PKP2: variants seen among roughly 807,000 people sequenced by gnomAD.
PKP2 encodes the protein plakophilin 2.
A neutral mutation model predicts 83.4 loss-of-function variants in PKP2; 73 were observed. The ratio of observed to expected loss-of-function variants is 0.88; its 90% CI spans 0.72 to 1.06. PKP2 has a LOEUF of 1.06. PKP2 is among the 50% of genes least tolerant of loss of function. PKP2 has a pLI of 0.00. For missense variants in PKP2, 966 were observed against 1,065.4 expected (o/e 0.91, Z 1.30); for synonymous variants, 409 against 430.4 (o/e 0.95, Z 0.62).
intron 9 of PKP2, among the ~76,000 whole-genome samples, chr12:32,813,297 G>C (rs1004565493): frequency 6.6e-6 from 1 of 152,182 alleles, no homozygotes; most frequent in African/African-American, 2.4e-5. Context: ...AGGATTATCA[G>C]ATCAGTGGGA....
At chr12:32,847,922 C>T (rs1208458578) in intron 5 of PKP2, among the ~76,000 whole-genome samples, 1 of 151,884 alleles carries the variant, frequency 6.6e-6, no homozygotes, top group African/African-American at 2.4e-5. Context: ...CAGCGAGATC[C>T]CCATCCTTTA....
intron 4 of PKP2, among the ~76,000 whole-genome samples, chr12:32,856,898 C>G (rs1001234812): frequency 2.6e-5 from 4 of 152,166 alleles, no homozygotes; most frequent in African/African-American, 9.7e-5. Flanking sequence ...TATCTGACTG[C>G]ATTCTCAGGA....
chr12:32,868,247 T>C (rs548290987), intron 4 of PKP2, among the ~76,000 whole-genome samples: 107 of 152,368 alleles, frequency 7.0e-4, no homozygotes, highest in African/African-American at 2.5e-3. Context: ...TGAGTCTCGC[T>C]CTGTCGCCCA....
chr12:32,825,899 T>G (rs1218586243), intron 6 of PKP2, among the ~76,000 whole-genome samples: 1 of 150,008 alleles, frequency 6.7e-6, no homozygotes. Flanking sequence ...GTCTAAAAAA[T>G]TAACAAAATA....
chr12:32,824,371 T>G, intron 6 of PKP2: 1 of 567,016 alleles, frequency 1.8e-6, no homozygotes, highest in South Asian at 2.0e-5. Flanking sequence ...CAACACGTAA[T>G]TGTGTCATAA....
At chr12:32,801,177 A>G (rs1420192932) in intron 10 of PKP2, among the ~76,000 whole-genome samples, 2 of 152,250 alleles carry the variant, frequency 1.3e-5, no homozygotes, top group East Asian at 1.9e-4. Context: ...ATGTGGCTAC[A>G]GCTATACCTT....
chr12:32,884,320 G>A (rs989455895), intron 1 of PKP2, among the ~76,000 whole-genome samples: 2 of 152,136 alleles, frequency 1.3e-5, no homozygotes, highest in African/African-American at 4.8e-5. Context: ...CGGGCGTGGT[G>A]GCAGGCACCT....
chr12:32,845,559 T>A (rs574794236), intron 5 of PKP2, among the ~76,000 whole-genome samples: 2 of 151,836 alleles, frequency 1.3e-5, no homozygotes, highest in Admixed American at 1.3e-4. Flanking sequence ...CTCAAAAAAA[T>A]AAATAAAAAT....
chr12:32,883,042 A>G (rs1956999864), intron 1 of PKP2, among the ~76,000 whole-genome samples: 1 of 152,262 alleles, frequency 6.6e-6, no homozygotes, highest in African/African-American at 2.4e-5. Context: ...TTATTTGCCA[A>G]CATAAGTTCT....
chr12:32,874,123 T>C (rs1481545341), intron 3 of PKP2, among the ~76,000 whole-genome samples: 1 of 152,236 alleles, frequency 6.6e-6, no homozygotes, highest in Non-Finnish European at 1.5e-5. Flanking sequence ...TAAGTCATTA[T>C]GCAGGTTTAT....
chr12:32,805,573 T>C (rs1956219436), intron 9 of PKP2, among the ~76,000 whole-genome samples: 1 of 152,210 alleles, frequency 6.6e-6, no homozygotes, highest in African/African-American at 2.4e-5. Flanking sequence ...CCTTTCCCCA[T>C]TGCTTGCTTT....
At chr12:32,808,694 GA>G (rs1956248264) in intron 9 of PKP2, among the ~76,000 whole-genome samples, 1 of 152,172 alleles carries the variant, frequency 6.6e-6, no homozygotes, top group Admixed American at 6.5e-5. Context: ...GCTGACTTCT[GA>G]AAAGGTTTCT....
intron 4 of PKP2, among the ~76,000 whole-genome samples, chr12:32,851,516 T>C (rs567726460): frequency 2.6e-5 from 4 of 152,322 alleles, no homozygotes; most frequent in Admixed American, 6.5e-5. Flanking sequence ...TCACCCAGGC[T>C]GGAATGCAGT....
At chr12:32,804,268 T>G (rs964854092) in intron 9 of PKP2, among the ~76,000 whole-genome samples, 6 of 152,212 alleles carry the variant, frequency 3.9e-5, no homozygotes, top group Admixed American at 3.9e-4. Flanking sequence ...AAATGTTGCC[T>G]CTAGAGTCAT....
At position 32,802,879 on chromosome 12, in the gene PKP2, C is replaced by T. The variant is rs1270548910; in HGVS notation, c.2014-323G>A. Among the ~76,000 whole-genome samples the T allele has an allele frequency of 4.0e-5, 6 of 151,238 alleles. No homozygotes were observed. The East Asian group carries it at 9.9e-4, about 25-fold the overall frequency. On this transcript the variant is annotated intron_variant, in intron 9 of 12. Coordinates refer to ENST00000340811, the MANE Select transcript of PKP2 (RefSeq NM_001005242.3). ...TTCACCATGTTGGCCAGGCTGGTCTCGAACTCCTGACTCAGGTGATCCACC... is the reference window on the plus strand; with the variant it reads ...TTCACCATGTTGGCCAGGCTGGTCTTGAACTCCTGACTCAGGTGATCCACC...
At chr12:32,808,128 G>A (rs1449544451) in intron 9 of PKP2, among the ~76,000 whole-genome samples, 4 of 152,154 alleles carry the variant, frequency 2.6e-5, no homozygotes, top group African/African-American at 7.2e-5. Flanking sequence ...TTTCCAACTT[G>A]GTTCTGTTCT....
At chr12:32,863,444 A>C (rs147594431) in intron 4 of PKP2, 1 of 208,630 alleles carries the variant, frequency 4.8e-6, no homozygotes, top group Non-Finnish European at 1.0e-5. Flanking sequence ...TAAACTAATG[A>C]AACAATAATA....
intron 4 of PKP2, among the ~76,000 whole-genome samples, chr12:32,864,305 C>CACAT (rs1286468711): frequency 1.8e-5 from 1 of 55,876 alleles, no homozygotes; most frequent in Non-Finnish European, 3.8e-5. Context: ...AAGTACTATA[C>CACAT]ACATACACAC....
chr12:32,891,338 TTATTA>T (rs1469622259), intron 1 of PKP2, among the ~76,000 whole-genome samples: 4 of 152,208 alleles, frequency 2.6e-5, no homozygotes, highest in African/African-American at 9.6e-5. Context: ...AGCATCATAT[TTATTA>T]TATTTCATTA....
Sources: allele counts gnomAD v4.1 joint callset (sites outside exome capture counted in the v4.1 genomes callset), GRCh38; gene constraint gnomAD v4.1.1; transcripts MANE v1.5; gene names NCBI Gene and HGNC (gene_info 2026-07-23, HGNC 2026-07-21).